TRPC5: variants seen among roughly 807,000 people sequenced by gnomAD.
TRPC5 encodes transient receptor potential cation channel subfamily C member 5.
TRPC5 carries 9 observed loss-of-function variants against 56.5 expected under a neutral mutation model. That is an observed-to-expected ratio of 0.16 (90% confidence interval 0.10 to 0.28). TRPC5 has a LOEUF of 0.28. Among genes scored for constraint, TRPC5 ranks in the 10% least tolerant of loss-of-function variants. TRPC5 has a pLI of 1.00. For synonymous variants in TRPC5, 282 were observed against 278.5 expected (o/e 1.01, Z -0.13); for missense variants, 469 against 748.9 (o/e 0.63, Z 4.36).
At chrX:111,985,204 C>A (rs1323051841) in intron 1 of TRPC5, among the ~76,000 whole-genome samples, 1 of 112,176 alleles carries the variant, frequency 8.9e-6, no homozygotes, top group Non-Finnish European at 1.9e-5. Flanking sequence ...CTCTATAGGT[C>A]TGGAAGCCAC....
At chrX:112,055,214 T>A (rs1029355095) in intron 1 of TRPC5, among the ~76,000 whole-genome samples, 12 of 112,264 alleles carry the variant, frequency 1.1e-4, no homozygotes, top group African/African-American at 3.9e-4. Flanking sequence ...AGGAGAAACT[T>A]AGTGTAAGCA....
intron 7 of TRPC5, among the ~76,000 whole-genome samples, chrX:111,807,984 G>A (rs1006503452): frequency 1.8e-5 from 2 of 110,286 alleles, no homozygotes; most frequent in Non-Finnish European, 3.8e-5. Context: ...GTGTGTGTGT[G>A]TGTGTGTGCA....
chrX:112,058,801 T>C (rs1930396584), intron 1 of TRPC5, among the ~76,000 whole-genome samples: 1 of 111,950 alleles, frequency 8.9e-6, no homozygotes, highest in Non-Finnish European at 1.9e-5. Context: ...AATAATCTTT[T>C]TGAGTACTCA....
At chrX:112,069,581 G>A (rs891314605) in intron 1 of TRPC5, among the ~76,000 whole-genome samples, 1 of 112,185 alleles carries the variant, frequency 8.9e-6, no homozygotes, top group African/African-American at 3.2e-5. Context: ...AAGCCTCCAG[G>A]GGGCCCAGTG....
intron 1 of TRPC5, among the ~76,000 whole-genome samples, chrX:111,999,534 T>C (rs1370102751): frequency 1.8e-5 from 2 of 112,235 alleles, no homozygotes; most frequent in Non-Finnish European, 3.8e-5. Flanking sequence ...AGCACTTAGA[T>C]TGACTCCATA....
chrX:111,781,339 C>T, intron 8 of TRPC5, 133 bp from the exon 9 acceptor site: 1 of 529,758 alleles, frequency 1.9e-6, no homozygotes, highest in Non-Finnish European at 3.2e-6. Flanking sequence ...GACAAATCCC[C>T]AAAGCAAATG....
chrX:111,942,039 G>A (rs1926794674), intron 2 of TRPC5, among the ~76,000 whole-genome samples: 2 of 111,721 alleles, frequency 1.8e-5, no homozygotes, highest in African/African-American at 3.3e-5. Flanking sequence ...ATGGAGGCAG[G>A]GTGCTTCACT....
chrX:111,912,074 A>G (rs1925835799), intron 3 of TRPC5, among the ~76,000 whole-genome samples: 1 of 112,318 alleles, frequency 8.9e-6, no homozygotes. Flanking sequence ...AAATGCATGA[A>G]TGCTTTTCCA....
intron 1 of TRPC5, among the ~76,000 whole-genome samples, chrX:111,976,265 A>G (rs903423384): frequency 9.1e-6 from 1 of 110,217 alleles, no homozygotes; most frequent in Non-Finnish European, 1.9e-5. Context: ...TCTGTAAAAA[A>G]TAGAAAAATT....
At position 112,051,861 on chromosome X, in the gene TRPC5, T is replaced by A. The variant is rs937004083; in HGVS notation, c.-22+30018A>T. 1.1e-4 allele frequency among the ~76,000 whole-genome samples: 12 copies of A among 112,230 alleles called. No individual in the cohort carries two copies. The Admixed American group carries it at 1.1e-3, about 11-fold the overall frequency. On this transcript the variant is annotated intron_variant, in intron 1 of 10. Coordinates refer to ENST00000262839, the MANE Select transcript of TRPC5 (RefSeq NM_012471.3). Reference sequence around the variant, plus strand: ...GGCAACACTGGGTACTTTTTATAAATTGATTCACACAGAAGTTGGCTTTTT... The same window carrying A: ...GGCAACACTGGGTACTTTTTATAAAATGATTCACACAGAAGTTGGCTTTTT...
intron 2 of TRPC5, among the ~76,000 whole-genome samples, chrX:111,943,132 C>T (rs1191999530): frequency 9.0e-6 from 1 of 111,293 alleles, no homozygotes; most frequent in Non-Finnish European, 1.9e-5. Context: ...ATTATCATTC[C>T]TAGTTACAGA....
Position 111,852,320 on chromosome X carries a change from A to G in TRPC5, c.1355T>C (p.Leu452Pro). 1 of 1,209,477 alleles carries G rather than the reference A, an allele frequency of 8.3e-7. No homozygotes were observed. Among genetic ancestry groups the G allele is most frequent in the Non-Finnish European group, 1.1e-6 (1 of 894,184 alleles). The change falls in exon 5 of 11, where the codon CTG (leucine) becomes CCG (proline). Residue 452 changes from leucine (L) to proline (P), a missense_variant. Transcript: ENST00000262839. Reference sequence around the variant, plus strand: ...TACCTTGACATAGGCCACAATCTTCAGGGAAATAGTTGCCAGGTAGAGGGA... The same window carrying G: ...TACCTTGACATAGGCCACAATCTTCGGGGAAATAGTTGCCAGGTAGAGGGA... ...MNSLYLATISLKIVAYVKYNG... is the reference protein window; with the variant it reads ...MNSLYLATISPKIVAYVKYNG...
At chrX:111,842,265 G>A (rs1226013656) in intron 6 of TRPC5, among the ~76,000 whole-genome samples, 1 of 106,183 alleles carries the variant, frequency 9.4e-6, no homozygotes, top group African/African-American at 3.6e-5. Flanking sequence ...AGCCTCCCAA[G>A]TAGCTGGGAT....
intron 7 of TRPC5, among the ~76,000 whole-genome samples, chrX:111,808,529 T>A (rs2148564131): frequency 9.0e-6 from 1 of 110,835 alleles, no homozygotes; most frequent in South Asian, 3.9e-4. Flanking sequence ...CCTGGGACTA[T>A]CCCTTCAGGG....
chrX:111,923,408 GA>G (rs982225920), intron 2 of TRPC5, among the ~76,000 whole-genome samples: 1 of 111,256 alleles, frequency 9.0e-6, no homozygotes, highest in African/African-American at 3.3e-5. Flanking sequence ...AAATCTATGA[GA>G]AAAAAAATTC....
intron 1 of TRPC5, among the ~76,000 whole-genome samples, chrX:112,000,946 G>C (rs1056586263): frequency 8.9e-6 from 1 of 112,020 alleles, no homozygotes. Flanking sequence ...CATTCTAGTG[G>C]ATAATTAGAG....
intron 1 of TRPC5, among the ~76,000 whole-genome samples, chrX:111,986,806 T>C (rs780707290): frequency 1.8e-5 from 2 of 111,621 alleles, no homozygotes; most frequent in South Asian, 7.6e-4. Flanking sequence ...AAGTTTAACT[T>C]TCATTGTAAT....
chrX:111,921,378 A>T (rs759807162), intron 2 of TRPC5, among the ~76,000 whole-genome samples: 17 of 111,417 alleles, frequency 1.5e-4, no homozygotes, highest in Non-Finnish European at 5.7e-5. Context: ...TGGTTCCCTC[A>T]TTAATTAATG....
chrX:112,049,718 C>G (rs1378121203), intron 1 of TRPC5, among the ~76,000 whole-genome samples: 1 of 110,701 alleles, frequency 9.0e-6, no homozygotes, highest in Non-Finnish European at 1.9e-5. Flanking sequence ...TACAGAAAGG[C>G]TGTCTGAACA....
Sources: allele counts gnomAD v4.1 joint callset (sites outside exome capture counted in the v4.1 genomes callset), GRCh38; gene constraint gnomAD v4.1.1; transcripts MANE v1.5; gene names NCBI Gene and HGNC (gene_info 2026-07-23, HGNC 2026-07-21).